The following N4BP2 variants were observed in gnomAD, a reference collection of about 807,000 sequenced individuals.
N4BP2 encodes NEDD4-binding protein 2.
In N4BP2, 91 loss-of-function variants were observed where a neutral mutation model predicts 152.8. The observed-to-expected ratio is 0.60, with a 90% CI of 0.50 to 0.71. The LOEUF (loss-of-function observed/expected upper bound fraction) is 0.71. Among genes scored for constraint, N4BP2 ranks in the 30% least tolerant of loss-of-function variants. The pLI is 0.00. For missense variants in N4BP2, 1,923 were observed against 2,059.1 expected, an observed-to-expected ratio of 0.93 and a Z score of 1.28; for synonymous variants, 646 against 705.3, an observed-to-expected ratio of 0.92 and a Z score of 1.33.
In N4BP2 at chr4:40,073,014, C is replaced by A. The variant is rs1008498511; in HGVS notation, c.-211-441C>A. 3.9e-5 allele frequency among the ~76,000 whole-genome samples: 6 copies of A among 152,180 alleles called. No homozygotes were observed. In the East Asian group the frequency reaches 1.2e-3, roughly 29 times the overall value. On this transcript the variant is annotated intron_variant, in intron 1 of 17. Coordinates refer to ENST00000261435, the MANE Select transcript of N4BP2 (RefSeq NM_018177.6). ...GGGATTACAGGTGTGAGCCACCGCA[C>A]CTGGCCAGGTCAATTTCTTTACCAA...
intron 7 of N4BP2, among the ~76,000 whole-genome samples, chr4:40,116,779 C>CT (rs1241867060): frequency 6.6e-6 from 1 of 152,008 alleles, no homozygotes; most frequent in East Asian, 1.9e-4. Flanking sequence ...GTGTCAAATT[C>CT]TTTTTTTAAA....
At position 40,126,236 on chromosome 4, in the gene N4BP2, T is replaced by A; in HGVS notation, c.4433T>A (p.Leu1478Gln). 1 of 1,607,604 alleles carries A rather than the reference T, an allele frequency of 6.2e-7. No individual in the cohort carries two copies. The highest frequency in any genetic ancestry group is 8.5e-7 in the Non-Finnish European group (1 of 1,176,310). The change falls in exon 12 of 18, where the codon CTA (leucine) becomes CAA (glutamine). Residue 1478 changes from leucine (L) to glutamine (Q), a missense_variant. Transcript: ENST00000261435. ...LLKTLTASEM[L>Q]PLLDHWNTQT... is the part of the protein sequence containing the mutation. ...AAGACTTTAACAGCATCTGAAATGC[T>A]ACCTTTATTGGATCATTGGAATACT...
chr4:40,179,685 A>G, the N4BP2 span, among the ~76,000 whole-genome samples: 36,761 of 151,694 alleles, frequency 0.24, 4,857 homozygotes, highest in East Asian at 0.56. Context: ...TATTATTGCA[A>G]TGTAATTTTG....
intron 1 of N4BP2, among the ~76,000 whole-genome samples, chr4:40,060,626 A>T (rs1733583923): frequency 6.8e-6 from 1 of 147,464 alleles, no homozygotes; most frequent in South Asian, 2.1e-4. Context: ...TTTTTGAGAC[A>T]GGGTCTCCCT....
chr4:40,167,242 G>A, the N4BP2 span: 1 of 152,276 alleles, frequency 6.6e-6, no homozygotes, highest in East Asian at 1.9e-4. Flanking sequence ...TATAATGGGA[G>A]TTCCAGAGTG....
In N4BP2 at chr4:40,120,162, A is replaced by AT. The variant is rs1717728449; in HGVS notation, c.2056dup (p.Ser686PhefsTer2). The AT allele has an allele frequency of 6.2e-7, 1 of 1,613,178 alleles. No homozygotes were observed. ...TTAATTCTGGAAACTCCACACATGT[A>AT]TTTTTCTGACTCTGAAAGCAAACTA... On this transcript the variant is annotated frameshift_variant, in exon 9 of 18. Coordinates refer to ENST00000261435, the MANE Select transcript of N4BP2 (RefSeq NM_018177.6). LOFTEE classifies it high-confidence loss of function.
chr4:40,089,188 A>G (rs1332274940), intron 2 of N4BP2, among the ~76,000 whole-genome samples: 2 of 151,436 alleles, frequency 1.3e-5, no homozygotes, highest in African/African-American at 2.4e-5. Context: ...TCCTGGGCTT[A>G]AGGGATTCCC....
At chr4:40,127,604 ATATT>A (rs1718528005) in intron 12 of N4BP2, among the ~76,000 whole-genome samples, 2 of 151,942 alleles carry the variant, frequency 1.3e-5, no homozygotes. Context: ...ATAATTATAT[ATATT>A]AGTAATAAGA....
chr4:40,058,143 A>G (rs1481052844), intron 1 of N4BP2, among the ~76,000 whole-genome samples: 1 of 152,230 alleles, frequency 6.6e-6, no homozygotes, highest in African/African-American at 2.4e-5. Context: ...TGTATTAAAA[A>G]AATGTTTTCT....
rs958494257 is a variant in N4BP2, at chr4:40,154,635, G to A, written c.*398G>A. The A allele has an allele frequency of 5.4e-4, 87 of 161,236 alleles. No homozygotes were observed. The highest frequency in any genetic ancestry group is 1.8e-4 in the South Asian group (1 of 5,522). The allele number at this position is 161,236 out of a possible 1,614,324, so 10.0% of individuals were successfully genotyped here. The stretch of plus-strand genomic sequence containing the variant: ...TGAGACCTGATTCATGCCCCCCAAA[G>A]GGTGGTATTAAAAGAGGAAAAAGGA... On this transcript the variant is annotated 3_prime_UTR_variant, in exon 18 of 18. Transcript: ENST00000261435.
chr4:40,058,090 GA>G (rs1733367943), intron 1 of N4BP2, among the ~76,000 whole-genome samples: 1 of 152,176 alleles, frequency 6.6e-6, no homozygotes. Context: ...GAAAATCCTG[GA>G]GATGAACCTA....
At chr4:40,147,518 C>T (rs576300717) in intron 16 of N4BP2, among the ~76,000 whole-genome samples, 6 of 149,480 alleles carry the variant, frequency 4.0e-5, no homozygotes, top group South Asian at 2.1e-4. Context: ...ACCTCCCGGA[C>T]GGGGCGGCTG....
intron 15 of N4BP2, among the ~76,000 whole-genome samples, chr4:40,143,460 C>T (rs1481708385): frequency 6.6e-6 from 1 of 152,050 alleles, no homozygotes; most frequent in African/African-American, 2.4e-5. Context: ...ACTACAGGCA[C>T]GTGCCACCAG....
intron 11 of N4BP2, 104 bp from the exon 12 acceptor site, chr4:40,126,030 A>G (rs1718370053): frequency 2.9e-6 from 2 of 687,382 alleles, no homozygotes; most frequent in Non-Finnish European, 4.5e-6. Context: ...ACTGAAAATT[A>G]AAAAACTGTT....
At chr4:40,163,089 AAATT>A (rs1265346354), downstream of N4BP2, among the ~76,000 whole-genome samples, 1 of 151,820 alleles carries the variant, frequency 6.6e-6, no homozygotes, top group Non-Finnish European at 1.5e-5. Flanking sequence ...GTTATCTGCC[AAATT>A]GTTTGTTAGA....
intron 17 of N4BP2, among the ~76,000 whole-genome samples, 163 bp from the exon 18 acceptor site, chr4:40,154,029 A>G (rs1041935083): frequency 2.6e-5 from 4 of 152,194 alleles, no homozygotes; most frequent in Non-Finnish European, 4.4e-5. Context: ...AGATAAAAGG[A>G]ACACAAACCT....
At chr4:40,165,223 C>G in the N4BP2 span, among the ~76,000 whole-genome samples, 1 of 151,908 alleles carries the variant, frequency 6.6e-6, no homozygotes, top group East Asian at 1.9e-4. Flanking sequence ...TGTAAGCTAG[C>G]TCAAATCTTT....
At chr4:40,159,582 C>G (rs940024868), downstream of N4BP2, among the ~76,000 whole-genome samples, 3 of 152,164 alleles carry the variant, frequency 2.0e-5, no homozygotes, top group African/African-American at 7.2e-5. Flanking sequence ...GCCAAGTGGT[C>G]TTAAAGATGG....
the N4BP2 span, among the ~76,000 whole-genome samples, chr4:40,187,486 T>C: frequency 7.0e-6 from 1 of 143,532 alleles, no homozygotes; most frequent in African/African-American, 2.5e-5. Flanking sequence ...ATTTTTAAAA[T>C]TGTTCTATTT....
Sources: gnomAD v4.1 joint callset for allele counts (sites outside exome capture counted in the v4.1 genomes callset) on GRCh38, gnomAD v4.1.1 for gene constraint, MANE v1.5 for transcripts, NCBI Gene and HGNC (gene_info 2026-07-23, HGNC 2026-07-21) for gene names.